DLGAP2: variants seen among roughly 807,000 people sequenced by gnomAD.
DLGAP2 encodes DLG associated protein 2.
A neutral mutation model predicts 100.3 loss-of-function variants in DLGAP2; 26 were observed. The ratio of observed to expected loss-of-function variants is 0.26; its 90% CI spans 0.19 to 0.36. The LOEUF (loss-of-function observed/expected upper bound fraction) is 0.36, where lower values mean the gene tolerates loss of function less well. DLGAP2 is among the 10% of genes least tolerant of loss of function. The probability of loss-of-function intolerance (pLI) is 1.00; values close to 1 mark genes in which losing one functional copy is unlikely to be tolerated. For synonymous variants in DLGAP2, 886 were observed against 630.1 expected (o/e 1.41, Z -6.08); for missense variants, 1,858 against 1,453.2 (o/e 1.28, Z -4.53).
At chr8:993,787 C>CTTT (rs534659471) in intron 2 of DLGAP2, among the ~76,000 whole-genome samples, 2 of 64,158 alleles carry the variant, frequency 3.1e-5, no homozygotes, top group Admixed American at 2.1e-4. Context: ...AACTGATTGG[C>CTTT]TTTTTTTTTT....
intron 3 of DLGAP2, among the ~76,000 whole-genome samples, chr8:1,308,995 T>A (rs990971222): frequency 3.9e-5 from 6 of 151,992 alleles, no homozygotes; most frequent in African/African-American, 1.2e-4. Context: ...AGCAGCAGAT[T>A]TGAGCAGGTA....
intron 4 of DLGAP2, among the ~76,000 whole-genome samples, chr8:1,511,194 T>TG (rs1391087077): frequency 3.3e-5 from 5 of 151,560 alleles, no homozygotes; most frequent in Non-Finnish European, 7.4e-5. Context: ...CCATCTTCCA[T>TG]GGACGTAAGT....
chr8:1,486,046 A>G (rs1306577040), intron 3 of DLGAP2, among the ~76,000 whole-genome samples: 2 of 152,192 alleles, frequency 1.3e-5, no homozygotes, highest in Non-Finnish European at 2.9e-5. Context: ...TAATAATTTT[A>G]AAAAGGAAGA....
chr8:1,621,996 A>T (rs144413954), intron 6 of DLGAP2: 3 of 152,350 alleles, frequency 2.0e-5, no homozygotes, highest in African/African-American at 7.2e-5. Context: ...CTGAATGTGG[A>T]AATGATCTGG....
At chr8:1,637,804 G>A (rs559649872) in intron 8 of DLGAP2, among the ~76,000 whole-genome samples, 4 of 152,312 alleles carry the variant, frequency 2.6e-5, no homozygotes, top group East Asian at 3.9e-4. Context: ...TGAAGAGCTC[G>A]TCAGCCATGG....
chr8:990,051 AC>A (rs1800611937), intron 2 of DLGAP2, among the ~76,000 whole-genome samples: 1 of 152,056 alleles, frequency 6.6e-6, no homozygotes, highest in African/African-American at 2.4e-5. Flanking sequence ...TGGCTTCATT[AC>A]AGATCACTGC....
At chr8:1,078,791 T>G (rs1391708469) in intron 2 of DLGAP2, among the ~76,000 whole-genome samples, 1 of 152,210 alleles carries the variant, frequency 6.6e-6, no homozygotes, top group African/African-American at 2.4e-5. Flanking sequence ...GTACCATAGT[T>G]TATTCATTCA....
intron 12 of DLGAP2, among the ~76,000 whole-genome samples, chr8:1,683,987 T>TATATATATATATATATATAC (rs1178906686): frequency 1.0e-5 from 1 of 99,664 alleles, no homozygotes; most frequent in African/African-American, 3.7e-5. Flanking sequence ...TATATATATA[T>TATATATATATATATATATAC]ACTTTTTTTT....
chr8:1,466,751 A>G (rs1437386614), intron 3 of DLGAP2, among the ~76,000 whole-genome samples: 2 of 152,100 alleles, frequency 1.3e-5, no homozygotes, highest in African/African-American at 2.4e-5. Context: ...AATGATCACC[A>G]TTGCGTGGAT....
At chr8:1,026,234 C>A (rs1290581544) in intron 2 of DLGAP2, among the ~76,000 whole-genome samples, 1 of 152,172 alleles carries the variant, frequency 6.6e-6, no homozygotes, top group Non-Finnish European at 1.5e-5. Flanking sequence ...GAGACGTTTG[C>A]CGTCTTCCGA....
intron 3 of DLGAP2, chr8:1,300,793 C>CTTT (rs141348648): frequency 0.018 from 2,703 of 152,358 alleles, 43 homozygotes; most frequent in Non-Finnish European, 0.026. Context: ...AGAGCGGCCC[C>CTTT]TAAAACCACG....
chr8:1,392,699 G>C (rs369770730), intron 3 of DLGAP2, among the ~76,000 whole-genome samples: 2 of 152,202 alleles, frequency 1.3e-5, no homozygotes, highest in Admixed American at 6.5e-5. Flanking sequence ...GCCTGGGTCA[G>C]CACATCTGCG....
chr8:1,542,605 T>C (rs1027845711), intron 4 of DLGAP2, among the ~76,000 whole-genome samples: 1 of 152,220 alleles, frequency 6.6e-6, no homozygotes, highest in Non-Finnish European at 1.5e-5. Context: ...ACATTTCCAT[T>C]GTGCGGTACA....
chr8:1,597,864 T>G (rs895954827), intron 6 of DLGAP2, among the ~76,000 whole-genome samples: 17 of 152,240 alleles, frequency 1.1e-4, no homozygotes, highest in African/African-American at 3.9e-4. Flanking sequence ...TTTTATTTCT[T>G]TCTCTTGTCT....
intron 2 of DLGAP2, among the ~76,000 whole-genome samples, chr8:1,239,974 G>A (rs1418507144): frequency 1.5e-5 from 2 of 137,850 alleles, no homozygotes; most frequent in Non-Finnish European, 3.1e-5. Context: ...CTCACACATA[G>A]CGTCTTGTCT....
intron 10 of DLGAP2, among the ~76,000 whole-genome samples, chr8:1,671,442 T>C (rs1428983880): frequency 6.6e-6 from 1 of 152,200 alleles, no homozygotes; most frequent in Non-Finnish European, 1.5e-5. Context: ...ATGAACAGCG[T>C]CCACGTCACT....
At chr8:1,316,904 G>A (rs1244690587) in intron 3 of DLGAP2, among the ~76,000 whole-genome samples, 3 of 123,612 alleles carry the variant, frequency 2.4e-5, no homozygotes, top group African/African-American at 6.8e-5. Flanking sequence ...GAGCGTGTGC[G>A]AGTGCAGCGT....
chr8:837,714 T>C (rs1313318621), intron 1 of DLGAP2, among the ~76,000 whole-genome samples: 3 of 148,472 alleles, frequency 2.0e-5, no homozygotes, highest in African/African-American at 7.3e-5. Context: ...TAAATATATA[T>C]AAAATATATA....
intron 3 of DLGAP2, among the ~76,000 whole-genome samples, chr8:1,274,060 C>G (rs557620038): frequency 2.4e-4 from 37 of 152,244 alleles, no homozygotes; most frequent in African/African-American, 8.7e-4. Context: ...CATTAGAATT[C>G]TAACAGCGTG....
Sources: gnomAD v4.1 joint callset for allele counts (sites outside exome capture counted in the v4.1 genomes callset) on GRCh38, gnomAD v4.1.1 for gene constraint, MANE v1.5 for transcripts, NCBI Gene and HGNC (gene_info 2026-07-23, HGNC 2026-07-21) for gene names.